Variants in SERTAD3 observed in about 807,000 individuals in gnomAD.
The protein encoded by SERTAD3 is SERTA domain-containing protein 3.
Under a neutral mutation model 11.9 loss-of-function variants are expected in SERTAD3, and 6 were observed. The ratio of observed to expected loss-of-function variants is 0.50; its 90% CI spans 0.28 to 0.99. The LOEUF (loss-of-function observed/expected upper bound fraction) is 0.99. Among genes scored for constraint, SERTAD3 ranks in the 50% least tolerant of loss-of-function variants. The probability of loss-of-function intolerance (pLI) is 0.11; values close to 1 mark genes in which losing one functional copy is unlikely to be tolerated. For missense variants in SERTAD3, 261 were observed against 240.9 expected, an observed-to-expected ratio of 1.08 and a Z score of -0.55; for synonymous variants, 101 against 98.9, an observed-to-expected ratio of 1.02 and a Z score of -0.13.
chr19:40,441,790 A>AGAGCCAAT lies in SERTAD3; in HGVS notation c.283_290dup (p.Ile98LeufsTer22). ...TGGAGGTGTCCAGCTCCCTGAGGAT[A>AGAGCCAAT]GAGCCAATGGTGGCTGACAGGGAGA... On this transcript the variant is annotated frameshift_variant, in exon 2 of 2. Coordinates refer to ENST00000322354, the MANE Select transcript of SERTAD3 (RefSeq NM_203344.3). LOFTEE classifies it high-confidence loss of function. 1 of 1,607,592 alleles carries AGAGCCAAT rather than the reference A, an allele frequency of 6.2e-7. No individual in the cohort carries two copies. The highest frequency in any genetic ancestry group is 1.7e-5 in the Admixed American group (1 of 58,876).
rs1208808371 is a variant in SERTAD3 at position 40,441,700 on chromosome 19, G to C, written c.381C>G (p.Pro127=). ...TPLGLQNEVP[P]QPDPVFLEAL... ...CTTCTAAGAAGACTGGATCAGGCTG[G>C]GGTGGCACTTCATTCTGGAGGCCAA... The change falls in exon 2 of 2, where the codon CCC becomes CCG. Residue 127 remains proline (P), a synonymous_variant. Coordinates refer to ENST00000322354, the MANE Select transcript of SERTAD3 (RefSeq NM_203344.3). 1 of 1,614,188 alleles carries C rather than the reference G, an allele frequency of 6.2e-7. No individual in the cohort carries two copies. The highest frequency in any genetic ancestry group is 1.1e-5 in the South Asian group (1 of 91,084).
Position 40,441,546 on chromosome 19 carries a change from C to T in SERTAD3, c.535G>A (p.Gly179Ser). The change falls in exon 2 of 2, where the codon GGT becomes AGT. Residue 179 changes from glycine (G) to serine (S), a missense_variant. Physicochemically the swap from Gly to Ser is moderately conservative, Grantham distance 56 (BLOSUM62 0). Transcript: ENST00000322354. Reference protein sequence around the residue: ...EPPHNLFCAPGSWEWNELDHI... With the variant: ...EPPHNLFCAPSSWEWNELDHI... ...TCCAGTTCATTCCACTCCCAAGAAC[C>T]TGGGGCACAGAAGAGGTTGTGAGGA... is the stretch of plus-strand genomic sequence containing the variant. The T allele has an allele frequency of 1.2e-6, 2 of 1,613,858 alleles. No homozygotes were observed. The highest frequency in any genetic ancestry group is 2.7e-5 in the African/African-American group (2 of 75,024).
intron 1 of SERTAD3, chr19:40,443,809 C>T (rs959905264): frequency 6.5e-6 from 1 of 153,650 alleles, no homozygotes; most frequent in African/African-American, 2.4e-5. Context: ...AATCCTTGAC[C>T]CTAGTTCTCT....
At chr19:40,442,960 ATTC>A (rs770860098) in intron 1 of SERTAD3, among the ~76,000 whole-genome samples, 26 of 151,710 alleles carry the variant, frequency 1.7e-4, no homozygotes, top group Admixed American at 3.3e-4. Flanking sequence ...CTATGTTGAG[ATTC>A]TTCTTCAACA....
rs1214862273 is a variant in SERTAD3, at chr19:40,444,299, T to C, written c.-91A>G. Reference sequence around the variant, plus strand: ...AGTGCCAGGACCCACCAGTGACCGGTTGGAGCCTCGCTCACCTCGGCGGGG... The same window carrying C: ...AGTGCCAGGACCCACCAGTGACCGGCTGGAGCCTCGCTCACCTCGGCGGGG... On this transcript the variant is annotated 5_prime_UTR_variant, in exon 1 of 2. Transcript: ENST00000322354. 2.0e-5 allele frequency: 3 copies of C among 150,730 alleles called. No individual in the cohort carries two copies. The East Asian group carries it at 5.8e-4, about 29-fold the overall frequency. The allele number at this position is 150,730 out of a possible 1,614,324, so 9.3% of individuals were successfully genotyped here.
chr19:40,441,402 C>T lies in SERTAD3; in HGVS notation c.*88G>A, dbSNP rs1391421624. On this transcript the variant is annotated 3_prime_UTR_variant, in exon 2 of 2. Coordinates refer to ENST00000322354, the MANE Select transcript of SERTAD3 (RefSeq NM_203344.3). The stretch of plus-strand genomic sequence containing the variant: ...GAGGCCATAGTCACTGCTTCGAGCC[C>T]CCACAAAAACACACACCCAGAGTTG... The T allele has an allele frequency of 4.2e-6, 5 of 1,199,390 alleles. No individual in the cohort carries two copies. The East Asian group carries it at 7.1e-5, about 17-fold the overall frequency. The allele number at this position is 1,199,390 out of a possible 1,614,324, so 74.3% of individuals were successfully genotyped here. A position where few individuals can be genotyped will look rare whatever the true frequency, so the allele number is the denominator to read the frequency against.
rs1341997439 is a variant in SERTAD3, at chr19:40,441,294, G to A, written c.*196C>T. 3 of 526,650 alleles carry A rather than the reference G, an allele frequency of 5.7e-6. No homozygotes were observed. The highest frequency in any genetic ancestry group is 1.0e-5 in the Non-Finnish European group (3 of 296,398). The allele number at this position is 526,650 out of a possible 1,614,324, so 32.6% of individuals were successfully genotyped here. On this transcript the variant is annotated 3_prime_UTR_variant, in exon 2 of 2. Coordinates refer to ENST00000322354, the MANE Select transcript of SERTAD3 (RefSeq NM_203344.3). ...TGGAATAGATAAATTAATTCAGGAAGACCCACCTTCACAGAAGGTCGGGGT... is the reference window on the plus strand; with the variant it reads ...TGGAATAGATAAATTAATTCAGGAAAACCCACCTTCACAGAAGGTCGGGGT...
Position 40,441,080 on chromosome 19 carries a change from T to G in SERTAD3, c.*410A>C. On this transcript the variant is annotated 3_prime_UTR_variant, in exon 2 of 2. Transcript: ENST00000322354. ...ACCAGCCCCTCCCACCCCCTCAAGGTGCAAGAGGCAGAGCCTGGGTTTCTA... is the reference window on the plus strand; with the variant it reads ...ACCAGCCCCTCCCACCCCCTCAAGGGGCAAGAGGCAGAGCCTGGGTTTCTA... 1 of 158,796 alleles carries G rather than the reference T, an allele frequency of 6.3e-6. No individual in the cohort carries two copies. Among genetic ancestry groups the G allele is most frequent in the Non-Finnish European group, 1.4e-5 (1 of 71,900 alleles). The allele number at this position is 158,796 out of a possible 1,614,324, so 9.8% of individuals were successfully genotyped here. A position where few individuals can be genotyped will look rare whatever the true frequency, so the allele number is the denominator to read the frequency against.
intron 1 of SERTAD3, 24 bp from the exon 2 acceptor site, chr19:40,442,110 G>A (rs553136824): frequency 7.3e-6 from 10 of 1,379,116 alleles, no homozygotes; most frequent in Non-Finnish European, 9.5e-6. Context: ...AGGCGCATAG[G>A]GGAAGGTCAG....
Position 40,441,210 on chromosome 19 carries a change from T to G in SERTAD3, c.*280A>C. On this transcript the variant is annotated 3_prime_UTR_variant, in exon 2 of 2. Transcript: ENST00000322354. ...GGGGAGTGGGAACTAGCAGGAAAGG[T>G]GGAAGAAATGTGTAAGTGGAAAATC... 1 of 299,356 alleles carries G rather than the reference T, an allele frequency of 3.3e-6. No individual in the cohort carries two copies. Among genetic ancestry groups the G allele is most frequent in the Non-Finnish European group, 6.3e-6 (1 of 159,310 alleles). 18.5% of individuals were successfully genotyped at this position (299,356 alleles called of 1,614,324 possible). A position where few individuals can be genotyped will look rare whatever the true frequency, so the allele number is the denominator to read the frequency against.
Position 40,441,414 on chromosome 19 carries a change from C to T in SERTAD3, c.*76G>A. The T allele has an allele frequency of 7.6e-7, 1 of 1,312,410 alleles. No individual in the cohort carries two copies. Among genetic ancestry groups the T allele is most frequent in the Non-Finnish European group, 1.1e-6 (1 of 946,272 alleles). 81.3% of individuals were successfully genotyped at this position (1,312,410 alleles called of 1,614,324 possible). ...ACTGCTTCGAGCCCCCACAAAAACA[C>T]ACACCCAGAGTTGCATTCAGGGATC... is the stretch of plus-strand genomic sequence containing the variant. On this transcript the variant is annotated 3_prime_UTR_variant, in exon 2 of 2. Coordinates refer to ENST00000322354, the MANE Select transcript of SERTAD3 (RefSeq NM_203344.3).
intron 1 of SERTAD3, among the ~76,000 whole-genome samples, chr19:40,443,012 G>T (rs1461826940): frequency 6.6e-6 from 1 of 151,710 alleles, no homozygotes; most frequent in South Asian, 2.1e-4. Flanking sequence ...AACCGACTGG[G>T]AGCGCTCCCA....
chr19:40,441,812 G>T lies in SERTAD3; in HGVS notation c.269C>A (p.Ser90Tyr). The T allele has an allele frequency of 6.3e-7, 1 of 1,593,700 alleles. No individual in the cohort carries two copies. Among genetic ancestry groups the T allele is most frequent in the Non-Finnish European group, 8.6e-7 (1 of 1,169,276 alleles). The change falls in exon 2 of 2, where the codon TCC becomes TAC. Residue 90 changes from serine (S) to tyrosine (Y), a missense_variant. Physicochemically the swap from Ser to Tyr is moderately radical, Grantham distance 144. Transcript: ENST00000322354. ...EPLFLGEEDF[S>Y]LSATIGSILR... ...GATAGAGCCAATGGTGGCTGACAGG[G>T]AGAAATCCTCCTCGCCCAGGAAGAG...
In SERTAD3 at chr19:40,441,458, A is replaced by C; in HGVS notation, c.*32T>G. On this transcript the variant is annotated 3_prime_UTR_variant, in exon 2 of 2. Transcript: ENST00000322354. Reference sequence around the variant, plus strand: ...AGGGATCCAGGCCACCGAAGATGACATGAGGAAGGATCGATCCCCTCTATC... The same window carrying C: ...AGGGATCCAGGCCACCGAAGATGACCTGAGGAAGGATCGATCCCCTCTATC... 1 of 1,514,944 alleles carries C rather than the reference A, an allele frequency of 6.6e-7. No homozygotes were observed. The highest frequency in any genetic ancestry group is 1.9e-5 in the African/African-American group (1 of 52,304). 93.8% of individuals were successfully genotyped at this position (1,514,944 alleles called of 1,614,324 possible).
chr19:40,441,706 C>T lies in SERTAD3; in HGVS notation c.375G>A (p.Val125=). 1 of 1,614,106 alleles carries T rather than the reference C, an allele frequency of 6.2e-7. No homozygotes were observed. The highest frequency in any genetic ancestry group is 8.5e-7 in the Non-Finnish European group (1 of 1,179,988). The change falls in exon 2 of 2, where the codon GTG becomes GTA. Residue 125 remains valine (V), a synonymous_variant. Coordinates refer to ENST00000322354, the MANE Select transcript of SERTAD3 (RefSeq NM_203344.3). ...PVTPLGLQNE[V]PPQPDPVFLE... ...AGAAGACTGGATCAGGCTGGGGTGG[C>T]ACTTCATTCTGGAGGCCAAGGGGAG...
rs1407447319 is a variant in SERTAD3 at position 40,441,470 on chromosome 19, C to T, written c.*20G>A. 1.2e-5 allele frequency: 8 copies of T among 667,744 alleles called. No individual in the cohort carries two copies. Among genetic ancestry groups the T allele is most frequent in the East Asian group, 5.5e-5 (2 of 36,412 alleles). 41.4% of individuals were successfully genotyped at this position (667,744 alleles called of 1,614,324 possible). A position where few individuals can be genotyped will look rare whatever the true frequency, so the allele number is the denominator to read the frequency against. On this transcript the variant is annotated 3_prime_UTR_variant, in exon 2 of 2. Transcript: ENST00000322354. ...CACCGAAGATGACATGAGGAAGGATCGATCCCCTCTATCACAGTTTTAGGA... is the reference window on the plus strand; with the variant it reads ...CACCGAAGATGACATGAGGAAGGATTGATCCCCTCTATCACAGTTTTAGGA...
rs145468523 is a variant in SERTAD3, at chr19:40,443,645, C to T, written c.-7+570G>A. ...CGATCTAGTTCGGGAGACTACGTAT[C>T]CTAATTCTGATACTTCCTCCCACTT... On this transcript the variant is annotated intron_variant, in intron 1 of 1. Transcript: ENST00000322354. 747 of 153,910 alleles carry T rather than the reference C, an allele frequency of 4.9e-3. 9 individuals are homozygous for T. The highest frequency in any genetic ancestry group is 6.8e-3 in the Middle Eastern group (2 of 294). 9.5% of individuals were successfully genotyped at this position (153,910 alleles called of 1,614,324 possible).
Position 40,441,447 on chromosome 19 carries a change from C to T in SERTAD3, c.*43G>A. The T allele has an allele frequency of 6.7e-7, 1 of 1,503,440 alleles. No homozygotes were observed. Among genetic ancestry groups the T allele is most frequent in the Non-Finnish European group, 8.9e-7 (1 of 1,121,236 alleles). The allele number at this position is 1,503,440 out of a possible 1,614,324, so 93.1% of individuals were successfully genotyped here. ...GAGTTGCATTCAGGGATCCAGGCCA[C>T]CGAAGATGACATGAGGAAGGATCGA... On this transcript the variant is annotated 3_prime_UTR_variant, in exon 2 of 2. Coordinates refer to ENST00000322354, the MANE Select transcript of SERTAD3 (RefSeq NM_203344.3).
chr19:40,443,181 C>G (rs569875429), intron 1 of SERTAD3, among the ~76,000 whole-genome samples: 6 of 152,174 alleles, frequency 3.9e-5, no homozygotes, highest in East Asian at 3.9e-4. Context: ...GCCCCGCCCC[C>G]CCATGGGTCC....
Sources: gnomAD v4.1 joint callset for allele counts (sites outside exome capture counted in the v4.1 genomes callset) on GRCh38, gnomAD v4.1.1 for gene constraint, MANE v1.5 for transcripts, NCBI Gene and HGNC (gene_info 2026-07-23, HGNC 2026-07-21) for gene names.